CNBD1: variants seen among roughly 807,000 people sequenced by gnomAD.
CNBD1 encodes cyclic nucleotide-binding domain-containing protein 1.
Under a neutral mutation model 54.4 loss-of-function variants are expected in CNBD1, and 71 were observed. The observed-to-expected ratio is 1.30, with a 90% CI of 1.08 to 1.59. The LOEUF (loss-of-function observed/expected upper bound fraction) is 1.59, where lower values mean the gene tolerates loss of function less well. Among genes scored for constraint, CNBD1 ranks in the 40% most tolerant of loss-of-function variants. The probability of loss-of-function intolerance (pLI) is 0.00; values close to 1 mark genes in which losing one functional copy is unlikely to be tolerated. For missense variants in CNBD1, 659 were observed against 518.0 expected (o/e 1.27, Z -2.64); for synonymous variants, 182 against 170.7 (o/e 1.07, Z -0.51).
chr8:87,002,991 C>T (rs1381463162), intron 4 of CNBD1, among the ~76,000 whole-genome samples: 2 of 152,092 alleles, frequency 1.3e-5, no homozygotes, highest in African/African-American at 2.4e-5. Flanking sequence ...AAATTATACT[C>T]GAACACCTTT....
intron 8 of CNBD1, among the ~76,000 whole-genome samples, chr8:87,349,186 A>G (rs1167362576): frequency 6.6e-6 from 1 of 152,110 alleles, no homozygotes; most frequent in African/African-American, 2.4e-5. Context: ...GTCATTTTCT[A>G]TATAAGGGAG....
At chr8:87,348,051 G>A (rs909486968) in intron 8 of CNBD1, among the ~76,000 whole-genome samples, 15 of 152,116 alleles carry the variant, frequency 9.9e-5, no homozygotes, top group Non-Finnish European at 1.9e-4. Flanking sequence ...CATTAGATAA[G>A]TGTACATTTA....
At chr8:87,118,349 C>T (rs1252394277) in intron 4 of CNBD1, among the ~76,000 whole-genome samples, 1 of 145,994 alleles carries the variant, frequency 6.8e-6, no homozygotes, top group Non-Finnish European at 1.5e-5. Context: ...TAGAGCGGTA[C>T]AACGGTATAT....
intron 4 of CNBD1, among the ~76,000 whole-genome samples, chr8:87,041,849 C>G (rs1322294563): frequency 6.6e-6 from 1 of 152,110 alleles, no homozygotes; most frequent in African/African-American, 2.4e-5. Flanking sequence ...AGGGAATGCT[C>G]TGACCTAAGT....
rs577882278 is a variant in CNBD1 at position 87,318,908 on chromosome 8, T to G, written c.1042+32237T>G. On this transcript the variant is annotated intron_variant, in intron 8 of 10. Coordinates refer to ENST00000518476, the MANE Select transcript of CNBD1 (RefSeq NM_173538.3). ...AACACTATCTTTCATGGAAGACTGA[T>G]AGCCAAACTTGTAAGAGTTTTAGGA... is the stretch of plus-strand genomic sequence containing the variant. Among the ~76,000 whole-genome samples the G allele has an allele frequency of 4.6e-5, 7 of 152,158 alleles. No homozygotes were observed. The South Asian group carries it at 1.0e-3, about 23-fold the overall frequency.
intron 4 of CNBD1, among the ~76,000 whole-genome samples, chr8:86,941,022 A>G (rs1463550631): frequency 6.6e-6 from 1 of 152,252 alleles, no homozygotes; most frequent in Non-Finnish European, 1.5e-5. Context: ...ACAAAATCGC[A>G]TGATGACAGA....
chr8:87,241,775 A>T (rs1807713420), intron 6 of CNBD1, among the ~76,000 whole-genome samples: 1 of 152,226 alleles, frequency 6.6e-6, no homozygotes, highest in Non-Finnish European at 1.5e-5. Context: ...TAAAAAAACA[A>T]AATGATACTT....
rs1373278700 is a variant in CNBD1 at position 87,359,137 on chromosome 8, A to T, written c.1303+5351A>T. On this transcript the variant is annotated intron_variant, in intron 10 of 10. Coordinates refer to ENST00000518476, the MANE Select transcript of CNBD1 (RefSeq NM_173538.3). ...ACAAAAGTGTTTCTTTTAGTCACTTAATAGAATCTCCTTTGTCATCTGGCA... is the reference window on the plus strand; with the variant it reads ...ACAAAAGTGTTTCTTTTAGTCACTTTATAGAATCTCCTTTGTCATCTGGCA... 2.0e-5 allele frequency among the ~76,000 whole-genome samples: 3 copies of T among 152,190 alleles called. No individual in the cohort carries two copies. In the South Asian group the frequency reaches 6.2e-4, roughly 31 times the overall value.
chr8:87,175,762 G>A (rs1025498806), intron 4 of CNBD1, among the ~76,000 whole-genome samples: 1 of 152,160 alleles, frequency 6.6e-6, no homozygotes, highest in African/African-American at 2.4e-5. Flanking sequence ...TGCCCCCCAA[G>A]CTCGCTGGCT....
At chr8:87,169,017 T>C (rs1721308402) in intron 4 of CNBD1, among the ~76,000 whole-genome samples, 2 of 151,998 alleles carry the variant, frequency 1.3e-5, no homozygotes, top group Non-Finnish European at 2.9e-5. Context: ...CCACTCTCCA[T>C]AGTGGTTGTA....
chr8:86,906,041 C>G (rs912031703), intron 3 of CNBD1, among the ~76,000 whole-genome samples: 2 of 152,110 alleles, frequency 1.3e-5, no homozygotes, highest in Admixed American at 1.3e-4. Context: ...GTTTGCTAGT[C>G]AGTATTTTTA....
chr8:87,202,100 T>C (rs1813875818), intron 4 of CNBD1, among the ~76,000 whole-genome samples: 2 of 152,102 alleles, frequency 1.3e-5, no homozygotes, highest in South Asian at 4.1e-4. Flanking sequence ...GCAAACCCAG[T>C]AGCTGACAAG....
At chr8:87,366,744 C>A (rs1161018937) in intron 10 of CNBD1, among the ~76,000 whole-genome samples, 1 of 152,014 alleles carries the variant, frequency 6.6e-6, no homozygotes, top group South Asian at 2.1e-4. Context: ...TTTCCACTGC[C>A]ATCCCTAAGC....
chr8:87,161,672 C>G (rs189343542), intron 4 of CNBD1, among the ~76,000 whole-genome samples: 1 of 152,062 alleles, frequency 6.6e-6, no homozygotes, highest in Non-Finnish European at 1.5e-5. Flanking sequence ...GAAGAATTCT[C>G]TGAAGATTTT....
chr8:87,359,731 GT>G (rs1299167935), intron 10 of CNBD1, among the ~76,000 whole-genome samples: 1 of 152,018 alleles, frequency 6.6e-6, no homozygotes, highest in Non-Finnish European at 1.5e-5. Flanking sequence ...AATATATCAA[GT>G]TGAAGACAAA....
chr8:86,941,321 T>A lies in CNBD1; in HGVS notation c.431+1567T>A, dbSNP rs564565164. Among the ~76,000 whole-genome samples, 45 of 152,180 alleles carry A rather than the reference T, an allele frequency of 3.0e-4. 1 individual carries two copies. The highest frequency in any genetic ancestry group is 7.4e-5 in the Non-Finnish European group (5 of 68,026). ...TGCTCACTAAATTCGTTAAAAATATTCTTTAAGTGGTAGAAAATCGCTAAA... is the reference window on the plus strand; with the variant it reads ...TGCTCACTAAATTCGTTAAAAATATACTTTAAGTGGTAGAAAATCGCTAAA... On this transcript the variant is annotated intron_variant, in intron 4 of 10. Coordinates refer to ENST00000518476, the MANE Select transcript of CNBD1 (RefSeq NM_173538.3).
chr8:87,087,691 C>A (rs929017692), intron 4 of CNBD1, among the ~76,000 whole-genome samples: 2 of 152,120 alleles, frequency 1.3e-5, no homozygotes, highest in African/African-American at 2.4e-5. Context: ...TGGTCTCGAT[C>A]CCCTGACCTC....
chr8:87,045,738 A>C (rs1322474318), intron 4 of CNBD1, among the ~76,000 whole-genome samples: 1 of 149,416 alleles, frequency 6.7e-6, no homozygotes, highest in Non-Finnish European at 1.5e-5. Flanking sequence ...AAAAAAAAAA[A>C]AAAAAACAGT....
At chr8:87,240,701 AGGAAG>A (rs1807678685) in intron 6 of CNBD1, among the ~76,000 whole-genome samples, 1 of 152,130 alleles carries the variant, frequency 6.6e-6, no homozygotes, top group South Asian at 2.1e-4. Flanking sequence ...CAGTCAGGAA[AGGAAG>A]GAGGCTGGGA....
Sources: gnomAD v4.1 joint callset for allele counts (sites outside exome capture counted in the v4.1 genomes callset) on GRCh38, gnomAD v4.1.1 for gene constraint, MANE v1.5 for transcripts, NCBI Gene and HGNC (gene_info 2026-07-23, HGNC 2026-07-21) for gene names.